The following CACNA2D1 variants were observed in gnomAD, a reference collection of about 807,000 sequenced individuals.
CACNA2D1 encodes calcium voltage-gated channel auxiliary subunit alpha2delta 1, also known as voltage-dependent calcium channel subunit alpha-2/delta-1.
Under a neutral mutation model 171.5 loss-of-function variants are expected in CACNA2D1, and 53 were observed. That is an observed-to-expected ratio of 0.31 (90% CI 0.25 to 0.39). CACNA2D1 has a LOEUF of 0.39. Among genes scored for constraint, CACNA2D1 ranks in the 10% least tolerant of loss-of-function variants. The probability of loss-of-function intolerance (pLI) is 1.00; values close to 1 mark genes in which losing one functional copy is unlikely to be tolerated. For missense variants in CACNA2D1, 903 were observed against 1,299.8 expected (o/e 0.69, Z 4.69); for synonymous variants, 442 against 443.1 (o/e 1.00, Z 0.03).
intron 4 of CACNA2D1, among the ~76,000 whole-genome samples, chr7:82,164,920 G>A (rs2009138): frequency 0.28 from 41,992 of 151,708 alleles, 5,934 homozygotes; most frequent in Middle Eastern, 0.35. Flanking sequence ...CTCAAGTTAC[G>A]GAGAGGCTAA....
At chr7:82,199,710 C>T (rs1237002209) in intron 3 of CACNA2D1, among the ~76,000 whole-genome samples, 1 of 151,950 alleles carries the variant, frequency 6.6e-6, no homozygotes, top group Admixed American at 6.6e-5. Context: ...CAATTCTACT[C>T]ATAGATATAT....
chr7:82,309,017 T>C (rs1814083951), intron 3 of CACNA2D1, among the ~76,000 whole-genome samples: 1 of 152,244 alleles, frequency 6.6e-6, no homozygotes, highest in African/African-American at 2.4e-5. Flanking sequence ...GATTTGATTC[T>C]GTGTCTCTTT....
intron 10 of CACNA2D1, among the ~76,000 whole-genome samples, chr7:82,049,891 T>C (rs999759646): frequency 2.6e-5 from 4 of 152,224 alleles, no homozygotes; most frequent in African/African-American, 4.8e-5. Context: ...CAAAACTGTA[T>C]TGACATGGCA....
rs559657904 is a variant in CACNA2D1 at position 82,311,057 on chromosome 7, A to T, written c.294+24078T>A. On this transcript the variant is annotated intron_variant, in intron 3 of 38. Transcript: ENST00000356860. ...TTAATCTTCTTTGAGTTATATGTGT[A>T]TAAATTAATATGTGTCCAAAATTTG... Among the ~76,000 whole-genome samples the T allele has an allele frequency of 2.0e-4, 31 of 152,250 alleles. No individual in the cohort carries two copies. In the East Asian group the frequency reaches 5.8e-3, roughly 28 times the overall value.
chr7:81,955,995 T>C (rs889565244), intron 38 of CACNA2D1, among the ~76,000 whole-genome samples: 1 of 133,208 alleles, frequency 7.5e-6, no homozygotes, highest in African/African-American at 2.7e-5. Flanking sequence ...TTTTTTTTTT[T>C]TTTTTTTTTG....
At chr7:82,128,478 A>C (rs1335598105) in intron 5 of CACNA2D1, among the ~76,000 whole-genome samples, 1 of 152,190 alleles carries the variant, frequency 6.6e-6, no homozygotes, top group Non-Finnish European at 1.5e-5. Context: ...TGAAGAGCAT[A>C]AACTTTCCCA....
chr7:82,281,896 T>C (rs1002472442), intron 3 of CACNA2D1, among the ~76,000 whole-genome samples: 6 of 152,130 alleles, frequency 3.9e-5, no homozygotes, highest in African/African-American at 1.2e-4. Context: ...TAGGATGTTT[T>C]TCATGATAGC....
chr7:82,100,846 C>A (rs1812596273), intron 6 of CACNA2D1, among the ~76,000 whole-genome samples: 1 of 149,796 alleles, frequency 6.7e-6, no homozygotes, highest in Non-Finnish European at 1.5e-5. Context: ...TTTTTTCTGG[C>A]AAATGCTGTA....
chr7:81,962,648 T>C (rs1422966273), intron 34 of CACNA2D1, among the ~76,000 whole-genome samples, 153 bp from the exon 35 acceptor site: 5 of 151,934 alleles, frequency 3.3e-5, no homozygotes, highest in African/African-American at 1.2e-4. Context: ...ATATAACACA[T>C]TGTAACCTTT....
chr7:82,333,783 T>C (rs981274323), intron 3 of CACNA2D1, among the ~76,000 whole-genome samples: 2 of 151,190 alleles, frequency 1.3e-5, no homozygotes, highest in Non-Finnish European at 2.9e-5. Context: ...GAAAAAATAA[T>C]TTGAAATGCA....
chr7:82,379,568 T>C (rs546531677), intron 1 of CACNA2D1, among the ~76,000 whole-genome samples: 11 of 152,312 alleles, frequency 7.2e-5, no homozygotes, highest in African/African-American at 2.6e-4. Flanking sequence ...GTGGTCTGTG[T>C]GTCTATACTT....
intron 12 of CACNA2D1, among the ~76,000 whole-genome samples, chr7:82,022,447 G>T (rs1338251067): frequency 2.0e-5 from 3 of 151,980 alleles, no homozygotes; most frequent in African/African-American, 7.2e-5. Flanking sequence ...AAAGTTTTTA[G>T]AAGCAATCCA....
intron 4 of CACNA2D1, among the ~76,000 whole-genome samples, chr7:82,146,127 C>T (rs1793007369): frequency 2.0e-5 from 3 of 151,582 alleles, no homozygotes; most frequent in South Asian, 2.1e-4. Flanking sequence ...GTGGTCACAT[C>T]GAAAGATAAT....
intron 3 of CACNA2D1, among the ~76,000 whole-genome samples, chr7:82,285,023 G>A (rs1389090701): frequency 1.3e-5 from 2 of 151,878 alleles, no homozygotes; most frequent in African/African-American, 4.8e-5. Context: ...GATCAAATAA[G>A]CCCGGGGCGA....
At chr7:82,262,261 G>A (rs546320669) in intron 3 of CACNA2D1, among the ~76,000 whole-genome samples, 10 of 152,322 alleles carry the variant, frequency 6.6e-5, no homozygotes, top group East Asian at 3.9e-4. Context: ...AACCCAGGAC[G>A]TGGAGCTTGC....
chr7:82,211,335 A>G (rs1346338142), intron 3 of CACNA2D1, among the ~76,000 whole-genome samples: 1 of 152,076 alleles, frequency 6.6e-6, no homozygotes, highest in Non-Finnish European at 1.5e-5. Flanking sequence ...CCCAATTGGT[A>G]GCTTTTTGAC....
At chr7:82,247,607 G>GC (rs1205815552) in intron 3 of CACNA2D1, among the ~76,000 whole-genome samples, 2 of 152,154 alleles carry the variant, frequency 1.3e-5, no homozygotes, top group African/African-American at 2.4e-5. Flanking sequence ...TGCTGAATCA[G>GC]CTAGTGCTTT....
chr7:82,248,099 A>T (rs953931163), intron 3 of CACNA2D1, among the ~76,000 whole-genome samples: 7 of 152,320 alleles, frequency 4.6e-5, no homozygotes, highest in Non-Finnish European at 1.0e-4. Flanking sequence ...TGGTAACTCT[A>T]CTGGAGATTT....
chr7:82,393,748 T>C (rs1020202770), intron 1 of CACNA2D1, among the ~76,000 whole-genome samples: 16 of 152,194 alleles, frequency 1.1e-4, no homozygotes, highest in Non-Finnish European at 2.9e-5. Flanking sequence ...GATAAAACTC[T>C]TAAAACATTG....
Sources: gnomAD v4.1 joint callset for allele counts (sites outside exome capture counted in the v4.1 genomes callset) on GRCh38, gnomAD v4.1.1 for gene constraint, MANE v1.5 for transcripts, NCBI Gene and HGNC (gene_info 2026-07-23, HGNC 2026-07-21) for gene names.